The following SLC12A3 variants were observed in gnomAD, a reference collection of about 807,000 sequenced individuals.
SLC12A3 encodes the protein solute carrier family 12 member 3.
In SLC12A3, 104 loss-of-function variants were observed where a neutral mutation model predicts 121.0. The ratio of observed to expected loss-of-function variants is 0.86; its 90% CI spans 0.73 to 1.01. SLC12A3 has a LOEUF of 1.01. Ranked by LOEUF, SLC12A3 falls within the 50% of genes least tolerant of loss-of-function variation. SLC12A3 has a pLI of 0.00. For missense variants in SLC12A3, 1,328 were observed against 1,356.3 expected, an observed-to-expected ratio of 0.98 and a Z score of 0.33; for synonymous variants, 536 against 533.4, an observed-to-expected ratio of 1.00 and a Z score of -0.07.
At position 56,879,162 on chromosome 16, in the gene SLC12A3, G is replaced by A; in HGVS notation, c.1270G>A (p.Gly424Ser). 6.2e-7 allele frequency: 1 copy of A among 1,613,448 alleles called. No homozygotes were observed. The highest frequency in any genetic ancestry group is 8.5e-7 in the Non-Finnish European group (1 of 1,179,988). Residue 424 changes from glycine (G) to serine (S), a missense_variant, in exon 10 of 26, where the codon GGC (glycine) becomes AGC (serine). Physicochemically the swap from Gly to Ser is moderately conservative, Grantham distance 56. Transcript: ENST00000563236. ...CTGCGAGGGGCTGGCCTGCAGCTATGGCTGGAACTTCACCGAGTGCACCCA... is the reference window on the plus strand; with the variant it reads ...CTGCGAGGGGCTGGCCTGCAGCTATAGCTGGAACTTCACCGAGTGCACCCA... Reference protein sequence around the residue: ...GACEGLACSYGWNFTECTQQH... With the variant: ...GACEGLACSYSWNFTECTQQH...
At chr16:56,873,745 C>T (rs1241982435) in intron 8 of SLC12A3, among the ~76,000 whole-genome samples, 5 of 148,398 alleles carry the variant, frequency 3.4e-5, no homozygotes, top group African/African-American at 1.2e-4. Flanking sequence ...GGTCTGTCGC[C>T]CAGGCTGGAA....
At chr16:56,870,477 G>T in intron 5 of SLC12A3, 149 bp from the exon 6 acceptor site, 1 of 759,560 alleles carries the variant, frequency 1.3e-6, no homozygotes, top group South Asian at 1.5e-5. Context: ...TGCAGCAGCT[G>T]CTTTGGGGAC....
chr16:56,891,005 C>T (rs1478761131), intron 19 of SLC12A3, among the ~76,000 whole-genome samples: 7 of 151,882 alleles, frequency 4.6e-5, no homozygotes, highest in Admixed American at 3.9e-4. Flanking sequence ...CCATGGGAAC[C>T]GGGCATTTTG....
intron 5 of SLC12A3, 73 bp downstream of exon 5, chr16:56,870,308 G>T: frequency 1.3e-6 from 2 of 1,516,124 alleles, no homozygotes; most frequent in South Asian, 1.2e-5. Flanking sequence ...CCCCATCTGG[G>T]CTGGGGCCTC....
intron 22 of SLC12A3, among the ~76,000 whole-genome samples, chr16:56,895,876 A>C (rs929276433): frequency 6.6e-6 from 1 of 152,104 alleles, no homozygotes; most frequent in Non-Finnish European, 1.5e-5. Flanking sequence ...GATGGGAGAC[A>C]GTGACAGATC....
intron 24 of SLC12A3, 136 bp downstream of exon 24, chr16:56,902,644 A>C: frequency 9.1e-7 from 1 of 1,101,688 alleles, no homozygotes; most frequent in Non-Finnish European, 1.3e-6. Context: ...AGGTATCCTC[A>C]AGCCACAGTC....
chr16:56,879,932 T>G (rs1187028238), intron 11 of SLC12A3, among the ~76,000 whole-genome samples, 198 bp from the exon 12 acceptor site: 2 of 152,054 alleles, frequency 1.3e-5, no homozygotes, highest in African/African-American at 4.8e-5. Context: ...CATCCCCCAG[T>G]CATGCTCTTT....
intron 24 of SLC12A3, among the ~76,000 whole-genome samples, chr16:56,903,921 T>C (rs2055572122): frequency 6.6e-6 from 1 of 152,254 alleles, no homozygotes; most frequent in African/African-American, 2.4e-5. Context: ...CTCTCTTTTA[T>C]AAAGTATTTT....
rs117440321 is a variant in SLC12A3, at chr16:56,878,157, C to G, written c.1176C>G (p.Thr392=). ...TTTCCTACCTGGCCATCTCAGCCAC[C>G]ATTGGTAAGTGGCCGGCCCAGCCAG... ...TTISYLAISA[T]IGSCVVRDAS... The change falls in exon 9 of 26, where the codon ACC becomes ACG. Residue 392 remains threonine, a synonymous_variant. Transcript: ENST00000563236. 1.1e-5 allele frequency: 17 copies of G among 1,611,216 alleles called. No homozygotes were observed. In the East Asian group the frequency reaches 2.7e-4, roughly 25 times the overall value.
intron 14 of SLC12A3, 113 bp from the exon 15 acceptor site, chr16:56,885,152 C>T (rs572493233): frequency 7.7e-5 from 58 of 752,740 alleles, no homozygotes; most frequent in South Asian, 4.7e-4. Context: ...CCTGCTCCCA[C>T]GGGTGCCCGG....
At chr16:56,907,261 G>T (rs2055620382) in intron 25 of SLC12A3, among the ~76,000 whole-genome samples, 1 of 152,162 alleles carries the variant, frequency 6.6e-6, no homozygotes, top group Non-Finnish European at 1.5e-5. Flanking sequence ...TTTGAGACCG[G>T]CCTGGCCAAC....
chr16:56,899,437 C>A, intron 22 of SLC12A3, 93 bp from the exon 23 acceptor site: 3 of 943,184 alleles, frequency 3.2e-6, no homozygotes, highest in Admixed American at 1.7e-5. Context: ...TGCAGTGAAT[C>A]GAGATTGCAC....
At chr16:56,898,431 T>C (rs2055494865) in intron 22 of SLC12A3, among the ~76,000 whole-genome samples, 1 of 152,154 alleles carries the variant, frequency 6.6e-6, no homozygotes, top group South Asian at 2.1e-4. Context: ...GCTAATTTTT[T>C]GTATTTTTAG....
At chr16:56,912,424 C>T (rs1192170089) in intron 25 of SLC12A3, among the ~76,000 whole-genome samples, 1 of 152,204 alleles carries the variant, frequency 6.6e-6, no homozygotes, top group Non-Finnish European at 1.5e-5. Flanking sequence ...CCATAGGCAG[C>T]GGTGGAGTCT....
At chr16:56,867,258 G>C in intron 2 of SLC12A3, 42 bp downstream of exon 2, 1 of 1,569,470 alleles carries the variant, frequency 6.4e-7, no homozygotes, top group Non-Finnish European at 8.6e-7. Context: ...AGAAATGGGG[G>C]TGGGGTGGCA....
intron 21 of SLC12A3, among the ~76,000 whole-genome samples, chr16:56,893,642 G>C (rs1313129068): frequency 6.6e-6 from 1 of 152,224 alleles, no homozygotes; most frequent in Non-Finnish European, 1.5e-5. Context: ...ATATGTGACA[G>C]CTGGCCCTTG....
chr16:56,885,129 C>T, intron 14 of SLC12A3, 136 bp from the exon 15 acceptor site: 2 of 702,892 alleles, frequency 2.8e-6, no homozygotes, highest in Non-Finnish European at 2.6e-6. Context: ...GCAGGCTGCC[C>T]ATCCCAGGTG....
chr16:56,891,666 G>T (rs2055390267), intron 19 of SLC12A3, among the ~76,000 whole-genome samples: 1 of 152,216 alleles, frequency 6.6e-6, no homozygotes, highest in African/African-American at 2.4e-5. Context: ...GCTCCAGAGG[G>T]AAAAGCAGAC....
rs760314860 is a variant in SLC12A3, at chr16:56,902,233, CTTTGT to C, written c.2721-139_2721-135del. The stretch of plus-strand genomic sequence containing the variant: ...AGAGCTGAATTCAACATGGAAGCCA[CTTTGT>C]AAATGGCAGTGTCCGATGGGTTTCA... On this transcript the variant is annotated intron_variant, in intron 23 of 25. Transcript: ENST00000563236. 6.4e-5 allele frequency: 69 copies of C among 1,071,570 alleles called. 1 individual carries two copies. The highest frequency in any genetic ancestry group is 8.9e-5 in the Non-Finnish European group (64 of 719,340). The allele number at this position is 1,071,570 out of a possible 1,614,324, so 66.4% of individuals were successfully genotyped here.
Sources: gnomAD v4.1 joint callset for allele counts (sites outside exome capture counted in the v4.1 genomes callset) on GRCh38, gnomAD v4.1.1 for gene constraint, MANE v1.5 for transcripts, NCBI Gene and HGNC (gene_info 2026-07-23, HGNC 2026-07-21) for gene names.